Variants in CNTN4 observed in about 807,000 individuals in gnomAD.
The protein encoded by CNTN4 is contactin 4.
A neutral mutation model predicts 122.5 loss-of-function variants in CNTN4; 77 were observed. The observed-to-expected ratio is 0.63, with a 90% CI of 0.52 to 0.76. CNTN4 has a LOEUF of 0.76. Ranked by LOEUF, CNTN4 falls within the 30% of genes least tolerant of loss-of-function variation. The pLI, the probability that CNTN4 is intolerant of heterozygous loss-of-function variation, is 0.00. For synonymous variants in CNTN4, 512 were observed against 447.0 expected (o/e 1.15, Z -1.83); for missense variants, 1,256 against 1,259.1 (o/e 1.00, Z 0.04).
At chr3:2,564,003 T>C (rs1375515829) in intron 3 of CNTN4, among the ~76,000 whole-genome samples, 2 of 152,072 alleles carry the variant, frequency 1.3e-5, no homozygotes, top group Non-Finnish European at 2.9e-5. Flanking sequence ...TAGACAACAG[T>C]GAAGCAAGGT....
intron 3 of CNTN4, among the ~76,000 whole-genome samples, chr3:2,387,375 G>A (rs932238435): frequency 8.1e-5 from 12 of 147,794 alleles, no homozygotes; most frequent in African/African-American, 2.9e-4. Flanking sequence ...AGAGTAAAAA[G>A]AACATTTAAA....
intron 12 of CNTN4, among the ~76,000 whole-genome samples, chr3:2,917,747 A>G (rs1185136132): frequency 3.9e-5 from 6 of 152,214 alleles, no homozygotes; most frequent in Non-Finnish European, 8.8e-5. Context: ...CCATCACAGC[A>G]GAGTACCTTT....
chr3:2,404,900 A>G lies in CNTN4; in HGVS notation c.-89+65667A>G, dbSNP rs572156292. On this transcript the variant is annotated intron_variant, in intron 3 of 24. Coordinates refer to ENST00000418658, the MANE Select transcript of CNTN4 (RefSeq NM_175607.3). ...CTTATGTTATTCTTATGGCATCTGA[A>G]TGGGATGGAGACAGTCATCCCCATT... 2.0e-5 allele frequency among the ~76,000 whole-genome samples: 3 copies of G among 152,278 alleles called. 1 individual carries two copies. Among genetic ancestry groups the G allele is most frequent in the Admixed American group, 2.0e-4 (3 of 15,288 alleles).
intron 3 of CNTN4, among the ~76,000 whole-genome samples, chr3:2,344,514 A>AGG: frequency 6.6e-6 from 1 of 152,004 alleles, no homozygotes; most frequent in East Asian, 1.9e-4. Flanking sequence ...TCCTGACCTC[A>AGG]TGATCCACCC....
At chr3:2,884,002 C>G (rs568806844) in intron 9 of CNTN4, among the ~76,000 whole-genome samples, 1 of 152,128 alleles carries the variant, frequency 6.6e-6, no homozygotes, top group Non-Finnish European at 1.5e-5. Flanking sequence ...TTTAATGATC[C>G]GTGTCAATCT....
intron 3 of CNTN4, among the ~76,000 whole-genome samples, chr3:2,527,061 C>T (rs2077423910): frequency 6.6e-6 from 1 of 152,156 alleles, no homozygotes; most frequent in African/African-American, 2.4e-5. Context: ...AGCCTTGTTC[C>T]TGTCCTGGCA....
At chr3:2,945,771 T>C (rs1285149681) in intron 13 of CNTN4, among the ~76,000 whole-genome samples, 1 of 152,230 alleles carries the variant, frequency 6.6e-6, no homozygotes, top group African/African-American at 2.4e-5. Flanking sequence ...AGAAGGACAC[T>C]TTAATTAGCC....
In CNTN4 at chr3:2,754,877, T is replaced by C. The variant is rs188339296; in HGVS notation, c.358+9180T>C. 9.4e-4 allele frequency among the ~76,000 whole-genome samples: 143 copies of C among 152,280 alleles called. 2 individuals are homozygous for C. Among genetic ancestry groups the C allele is most frequent in the African/African-American group, 3.3e-3 (136 of 41,560 alleles). On this transcript the variant is annotated intron_variant, in intron 6 of 24. Coordinates refer to ENST00000418658, the MANE Select transcript of CNTN4 (RefSeq NM_175607.3). ...ACATTTTTTATGGTGAAAATATCAA[T>C]TGAATAAACAGCAACTGATTAGATA...
chr3:2,640,088 C>G (rs2082835715), intron 4 of CNTN4, among the ~76,000 whole-genome samples: 2 of 152,134 alleles, frequency 1.3e-5, no homozygotes, highest in African/African-American at 4.8e-5. Flanking sequence ...GGGGATGTAG[C>G]TGGGGGCTAA....
intron 2 of CNTN4, among the ~76,000 whole-genome samples, chr3:2,287,717 A>AGAAGAG (rs2041981553): frequency 1.5e-5 from 1 of 65,182 alleles, no homozygotes; most frequent in African/African-American, 6.1e-5. Flanking sequence ...AAGAGGAAGA[A>AGAAGAG]GAAGAAGAAG....
At chr3:2,971,523 C>A (rs1201571750) in intron 13 of CNTN4, among the ~76,000 whole-genome samples, 1 of 152,086 alleles carries the variant, frequency 6.6e-6, no homozygotes, top group African/African-American at 2.4e-5. Context: ...CTATGCAAAT[C>A]TTTACATCTA....
intron 2 of CNTN4, among the ~76,000 whole-genome samples, chr3:2,231,920 C>G (rs1033556193): frequency 3.3e-5 from 5 of 152,172 alleles, no homozygotes; most frequent in East Asian, 1.9e-4. Context: ...CAATACAACA[C>G]ATTCCTATGA....
At chr3:2,394,464 T>C (rs2046562974) in intron 3 of CNTN4, among the ~76,000 whole-genome samples, 1 of 152,074 alleles carries the variant, frequency 6.6e-6, no homozygotes, top group African/African-American at 2.4e-5. Flanking sequence ...AATGTACACA[T>C]GAAAAAAGTG....
chr3:2,537,095 GATTTCTAA>G (rs530890957), intron 3 of CNTN4, among the ~76,000 whole-genome samples: 1 of 152,220 alleles, frequency 6.6e-6, no homozygotes, highest in South Asian at 2.1e-4. Flanking sequence ...AGATGCAGTA[GATTTCTAA>G]ATTTTGGGGG....
At chr3:2,733,533 T>G (rs993617257) in intron 4 of CNTN4, among the ~76,000 whole-genome samples, 5 of 87,746 alleles carry the variant, frequency 5.7e-5, no homozygotes, top group Admixed American at 1.0e-4. Context: ...CATGTTTGTG[T>G]TTTTTTTTTT....
chr3:2,251,646 T>G (rs577119901), intron 2 of CNTN4, among the ~76,000 whole-genome samples: 1 of 151,946 alleles, frequency 6.6e-6, no homozygotes, highest in Non-Finnish European at 1.5e-5. Flanking sequence ...TTAGCCCTTA[T>G]TATAACATAT....
chr3:2,703,313 C>T (rs915691349), intron 4 of CNTN4, among the ~76,000 whole-genome samples: 1 of 152,046 alleles, frequency 6.6e-6, no homozygotes, highest in African/African-American at 2.4e-5. Context: ...GTATATATTG[C>T]AATGTTTGTG....
intron 13 of CNTN4, among the ~76,000 whole-genome samples, chr3:2,978,665 C>T (rs917355844): frequency 1.3e-5 from 2 of 152,198 alleles, no homozygotes; most frequent in African/African-American, 2.4e-5. Context: ...GACAGGCTCG[C>T]TGACACGTGC....
At chr3:2,457,252 A>T (rs1417541264) in intron 3 of CNTN4, among the ~76,000 whole-genome samples, 1 of 152,152 alleles carries the variant, frequency 6.6e-6, no homozygotes, top group African/African-American at 2.4e-5. Context: ...CAATATTCCA[A>T]AAGTAATTTT....
Sources: gnomAD v4.1 joint callset for allele counts (sites outside exome capture counted in the v4.1 genomes callset) on GRCh38, gnomAD v4.1.1 for gene constraint, MANE v1.5 for transcripts, NCBI Gene and HGNC (gene_info 2026-07-23, HGNC 2026-07-21) for gene names.